Variants in GALNT18 observed in about 807,000 individuals in gnomAD.
The protein encoded by GALNT18 is polypeptide N-acetylgalactosaminyltransferase 18.
In GALNT18, 44 loss-of-function variants were observed where a neutral mutation model predicts 69.5. That is an observed-to-expected ratio of 0.63 (90% CI 0.50 to 0.81). The LOEUF (loss-of-function observed/expected upper bound fraction) is 0.81, where lower values mean the gene tolerates loss of function less well. Among genes scored for constraint, GALNT18 ranks in the 40% least tolerant of loss-of-function variants. GALNT18 has a pLI of 0.00. For missense variants in GALNT18, 715 were observed against 810.0 expected, an observed-to-expected ratio of 0.88 and a Z score of 1.42; for synonymous variants, 364 against 318.2, an observed-to-expected ratio of 1.14 and a Z score of -1.53.
At chr11:11,453,225 G>C (rs183720580) in intron 1 of GALNT18, among the ~76,000 whole-genome samples, 1 of 152,134 alleles carries the variant, frequency 6.6e-6, no homozygotes, top group Non-Finnish European at 1.5e-5. Flanking sequence ...GGAGACCCCT[G>C]GGCCAGGGGA....
chr11:11,376,376 C>G (rs182239978), intron 5 of GALNT18, among the ~76,000 whole-genome samples: 1 of 56,418 alleles, frequency 1.8e-5, no homozygotes, highest in Non-Finnish European at 4.9e-5. Context: ...AGTGAGACTC[C>G]GTCTCAAAAA....
intron 1 of GALNT18, among the ~76,000 whole-genome samples, chr11:11,566,760 A>G (rs1052734569): frequency 6.6e-6 from 1 of 152,234 alleles, no homozygotes; most frequent in African/African-American, 2.4e-5. Flanking sequence ...AAAAAATAGA[A>G]ATTTGAGAAA....
rs1006885994 is a variant in GALNT18, at chr11:11,577,407, C to T, written c.235+43952G>A. The stretch of plus-strand genomic sequence containing the variant: ...GGGCAGGTCAGCTCTGAACCTTCTC[C>T]GTCCACTCTCTGAAAACTGCCTAGT... On this transcript the variant is annotated intron_variant, in intron 1 of 10. Transcript: ENST00000227756. Among the ~76,000 whole-genome samples the T allele has an allele frequency of 3.3e-5, 5 of 152,294 alleles. No individual in the cohort carries two copies. The East Asian group carries it at 5.8e-4, about 18-fold the overall frequency.
rs1857972731 is a variant in GALNT18 at position 11,543,487 on chromosome 11, C to T, written c.235+77872G>A. On this transcript the variant is annotated intron_variant, in intron 1 of 10. Coordinates refer to ENST00000227756, the MANE Select transcript of GALNT18 (RefSeq NM_198516.3). The surrounding 1 kb of genome is among the most constrained non-coding windows in gnomAD (Gnocchi z 5.1). ...TGCTACCCTGTCCCCACCGTCCCCA[C>T]CACCCACCAAGAGCCTGGCTTCTGC... 6.6e-6 allele frequency among the ~76,000 whole-genome samples: 1 copy of T among 152,208 alleles called. No individual in the cohort carries two copies. The highest frequency in any genetic ancestry group is 6.5e-5 in the Admixed American group (1 of 15,288).
In GALNT18 at chr11:11,421,893, TAGAC is replaced by T. The variant is rs1429032729; in HGVS notation, c.595+10724_595+10727del. Among the ~76,000 whole-genome samples the T allele has an allele frequency of 2.0e-5, 3 of 152,122 alleles. No individual in the cohort carries two copies. Among genetic ancestry groups the T allele is most frequent in the African/African-American group, 7.2e-5 (3 of 41,422 alleles). ...ACACCAGGATGCATAATTTAGCAAATAGACAGCACAGACTTTATTTTAGCCCCTA... is the reference window on the plus strand; with the variant it reads ...ACACCAGGATGCATAATTTAGCAAATAGCACAGACTTTATTTTAGCCCCTA... On this transcript the variant is annotated intron_variant, in intron 3 of 10. Transcript: ENST00000227756. The surrounding 1 kb of genome is among the most constrained non-coding windows in gnomAD (Gnocchi z 5.6).
intron 1 of GALNT18, among the ~76,000 whole-genome samples, chr11:11,512,728 C>A (rs1190214565): frequency 6.6e-6 from 1 of 152,180 alleles, no homozygotes; most frequent in Non-Finnish European, 1.5e-5. Context: ...TCTGGCGGCA[C>A]CTGAGGCCTG....
chr11:11,374,366 T>C (rs1008963035), intron 5 of GALNT18, among the ~76,000 whole-genome samples: 5 of 152,218 alleles, frequency 3.3e-5, no homozygotes, highest in Non-Finnish European at 5.9e-5. Context: ...GGGACATAAC[T>C]GGCACTCAAA....
intron 3 of GALNT18, among the ~76,000 whole-genome samples, chr11:11,392,921 T>C (rs1235393394): frequency 1.3e-5 from 2 of 152,214 alleles, no homozygotes; most frequent in African/African-American, 4.8e-5. Flanking sequence ...ATCCCAGGGA[T>C]CATGGGGCAG....
At chr11:11,295,451 G>C (rs1219360088) in intron 9 of GALNT18, among the ~76,000 whole-genome samples, 1 of 130,026 alleles carries the variant, frequency 7.7e-6, no homozygotes, top group African/African-American at 3.0e-5. Flanking sequence ...ACGTGTAAGA[G>C]AAAAGTCATG....
At chr11:11,401,247 G>A (rs938423971) in intron 3 of GALNT18, among the ~76,000 whole-genome samples, 1 of 152,186 alleles carries the variant, frequency 6.6e-6, no homozygotes, top group Non-Finnish European at 1.5e-5. Context: ...AGACATTCCA[G>A]ATCTGAGAGC....
rs1245751221 is a variant in GALNT18 at position 11,580,170 on chromosome 11, C to T, written c.235+41189G>A. Among the ~76,000 whole-genome samples, 3 of 152,226 alleles carry T rather than the reference C, an allele frequency of 2.0e-5. No individual in the cohort carries two copies. The East Asian group carries it at 5.8e-4, about 29-fold the overall frequency. ...GTTGCCACTAACTCACCATTGTGAC[C>T]TTTGGCCTGTCACATTCCATGTTTG... On this transcript the variant is annotated intron_variant, in intron 1 of 10. Transcript: ENST00000227756.
rs1857438064 is a variant in GALNT18, at chr11:11,523,166, C to A, written c.236-74230G>T. 6.6e-6 allele frequency among the ~76,000 whole-genome samples: 1 copy of A among 152,216 alleles called. No individual in the cohort carries two copies. The highest frequency in any genetic ancestry group is 1.5e-5 in the Non-Finnish European group (1 of 68,046). ...TATTTTGAGCCAGGAGGTCTGCCTT[C>A]CAGTTTTGCCACCCACAGACATTAT... is the stretch of plus-strand genomic sequence containing the variant. On this transcript the variant is annotated intron_variant, in intron 1 of 10. Transcript: ENST00000227756. This position sits in a 1 kb window ranked among gnomAD's most constrained non-coding sequence, Gnocchi z 4.3.
chr11:11,283,347 A>G (rs1849123366), intron 10 of GALNT18, among the ~76,000 whole-genome samples: 1 of 152,112 alleles, frequency 6.6e-6, no homozygotes, highest in Admixed American at 6.5e-5. Context: ...GAGTTTTGCC[A>G]TGTTGGCCAG....
intron 6 of GALNT18, among the ~76,000 whole-genome samples, chr11:11,345,270 A>G (rs1171564854): frequency 1.3e-5 from 2 of 152,160 alleles, no homozygotes; most frequent in African/African-American, 2.4e-5. Flanking sequence ...GAAGATGTGG[A>G]CTCAGCATGT....
Position 11,396,347 on chromosome 11 carries a change from T to C in GALNT18, c.596-17083A>G, listed in dbSNP as rs4910336. Among the ~76,000 whole-genome samples, 82,496 of 151,878 alleles carry C rather than the reference T, an allele frequency of 0.54. 24,038 individuals carry two copies. Among genetic ancestry groups the C allele is most frequent in the Non-Finnish European group, 0.66 (44,715 of 67,944 alleles). On this transcript the variant is annotated intron_variant, in intron 3 of 10. Transcript: ENST00000227756. The surrounding 1 kb of genome is among the most constrained non-coding windows in gnomAD (Gnocchi z 5.2). ...TTTCGAGAGGTGAGGAAGAGAGAGT[T>C]TGCTTAGAGATTAAATGATGTCATC...
Position 11,332,845 on chromosome 11 carries a change from C to T in GALNT18, c.1279-14G>A, listed in dbSNP as rs371533805. ...AATTCCTGAGTCCTGCACAGGGACGCAGAAGCAGAGATGAAGCCACTCCCA... is the reference window on the plus strand; with the variant it reads ...AATTCCTGAGTCCTGCACAGGGACGTAGAAGCAGAGATGAAGCCACTCCCA... On this transcript the variant is annotated splice_polypyrimidine_tract_variant and intron_variant, in intron 7 of 10. Coordinates refer to ENST00000227756, the MANE Select transcript of GALNT18 (RefSeq NM_198516.3). The surrounding 1 kb of genome is among the most constrained non-coding windows in gnomAD (Gnocchi z 4.3). The T allele has an allele frequency of 1.7e-4, 267 of 1,611,676 alleles. 2 individuals are homozygous for T. Among genetic ancestry groups the T allele is most frequent in the South Asian group, 1.4e-3 (123 of 91,010 alleles).
At chr11:11,467,913 A>G (rs1015316115) in intron 1 of GALNT18, among the ~76,000 whole-genome samples, 3 of 152,226 alleles carry the variant, frequency 2.0e-5, no homozygotes, top group Admixed American at 2.0e-4. Context: ...TAAGTTTGTT[A>G]AGACTACAGA....
At chr11:11,295,022 T>C (rs1849371022) in intron 9 of GALNT18, among the ~76,000 whole-genome samples, 1 of 152,188 alleles carries the variant, frequency 6.6e-6, no homozygotes, top group Non-Finnish European at 1.5e-5. Flanking sequence ...ATGGCAAAAT[T>C]ATGTATTTCT....
chr11:11,285,172 C>T (rs1473129151), intron 10 of GALNT18, among the ~76,000 whole-genome samples: 2 of 152,064 alleles, frequency 1.3e-5, no homozygotes, highest in African/African-American at 4.8e-5. Context: ...CAGCCCCAAA[C>T]TCCCATTGCA....
Sources: gnomAD v4.1 joint callset for allele counts (sites outside exome capture counted in the v4.1 genomes callset) on GRCh38, gnomAD v4.1.1 for gene constraint, Gnocchi (gnomAD v3.1) non-coding constraint, MANE v1.5 for transcripts, NCBI Gene and HGNC (gene_info 2026-07-23, HGNC 2026-07-21) for gene names.